Variants in IL1RAPL1 observed in about 807,000 individuals in gnomAD.
The protein encoded by IL1RAPL1 is interleukin-1 receptor accessory protein-like 1.
A neutral mutation model predicts 48.4 loss-of-function variants in IL1RAPL1; 3 were observed. That is an observed-to-expected ratio of 0.06 (90% CI 0.03 to 0.16). IL1RAPL1 has a LOEUF of 0.16. Ranked by LOEUF, IL1RAPL1 falls within the 10% of genes least tolerant of loss-of-function variation. The pLI is 1.00. For missense variants in IL1RAPL1, 349 were observed against 530.6 expected, an observed-to-expected ratio of 0.66 and a Z score of 3.36; for synonymous variants, 185 against 187.7, an observed-to-expected ratio of 0.99 and a Z score of 0.12.
At chrX:29,852,060 G>A (rs756053159) in intron 6 of IL1RAPL1, among the ~76,000 whole-genome samples, 14 of 112,594 alleles carry the variant, frequency 1.2e-4, no homozygotes, top group Non-Finnish European at 2.1e-4. Flanking sequence ...AGGCCCAGGG[G>A]CCACTCCTCG....
chrX:29,165,317 C>T (rs988782467), intron 2 of IL1RAPL1, among the ~76,000 whole-genome samples: 1 of 111,451 alleles, frequency 9.0e-6, no homozygotes, highest in African/African-American at 3.3e-5. Flanking sequence ...AAAACTTCAT[C>T]TCAAAACAGA....
At chrX:28,823,904 A>G (rs1472012256) in intron 2 of IL1RAPL1, among the ~76,000 whole-genome samples, 1 of 111,504 alleles carries the variant, frequency 9.0e-6, no homozygotes, top group Non-Finnish European at 1.9e-5. Flanking sequence ...GTAAGGTAAC[A>G]TGTTCACATA....
intron 2 of IL1RAPL1, among the ~76,000 whole-genome samples, chrX:28,854,276 G>A (rs1339883948): frequency 1.8e-5 from 2 of 111,499 alleles, no homozygotes; most frequent in Non-Finnish European, 1.9e-5. Context: ...AAAATGAGTA[G>A]TAGCAATAGG....
chrX:29,930,658 A>C (rs1200749892), intron 8 of IL1RAPL1, among the ~76,000 whole-genome samples: 2 of 111,966 alleles, frequency 1.8e-5, no homozygotes, highest in Non-Finnish European at 3.8e-5. Context: ...TGAGAAAATA[A>C]ATCTATTTTG....
intron 2 of IL1RAPL1, among the ~76,000 whole-genome samples, chrX:29,240,183 T>TACAC (rs200193070): frequency 1.2e-3 from 53 of 44,540 alleles, no homozygotes; most frequent in African/African-American, 3.8e-3. Context: ...AGTATATAGG[T>TACAC]ACACACACAC....
intron 5 of IL1RAPL1, among the ~76,000 whole-genome samples, chrX:29,410,675 A>T (rs778273276): frequency 3.6e-5 from 4 of 111,928 alleles, no homozygotes; most frequent in Non-Finnish European, 7.5e-5. Flanking sequence ...TAAAATAGAA[A>T]TACCATTTTA....
chrX:29,529,403 GGCCAACATGGTGAAACCCTGTT>G (rs1317776317), intron 5 of IL1RAPL1, among the ~76,000 whole-genome samples: 2 of 110,273 alleles, frequency 1.8e-5, no homozygotes, highest in Non-Finnish European at 3.8e-5. Context: ...AGACCAGCCT[GGCCAACATGGTGAAACCCTGTT>G]GCTACTAAAA....
intron 1 of IL1RAPL1, among the ~76,000 whole-genome samples, chrX:28,672,247 T>G (rs899838058): frequency 1.8e-5 from 2 of 110,855 alleles, no homozygotes; most frequent in African/African-American, 6.6e-5. Context: ...AAAATTAGGG[T>G]TTTTTATATG....
At chrX:29,514,676 T>C (rs766300611) in intron 5 of IL1RAPL1, among the ~76,000 whole-genome samples, 8 of 112,618 alleles carry the variant, frequency 7.1e-5, no homozygotes, top group South Asian at 3.6e-4. Context: ...CTTGAACTCC[T>C]GACCTTGAGT....
chrX:28,659,198 GC>G, intron 1 of IL1RAPL1: 1 of 755,190 alleles, frequency 1.3e-6, no homozygotes, highest in Non-Finnish European at 2.0e-6. Context: ...CTCCTGCAAA[GC>G]ACCGATAGCT....
intron 2 of IL1RAPL1, among the ~76,000 whole-genome samples, chrX:29,083,482 T>A (rs1927887194): frequency 9.0e-6 from 1 of 111,623 alleles, no homozygotes; most frequent in Non-Finnish European, 1.9e-5. Context: ...CTGCCCAAGT[T>A]AAATATAGAA....
intron 1 of IL1RAPL1, among the ~76,000 whole-genome samples, chrX:28,615,340 GAGTT>G (rs1437758596): frequency 9.5e-6 from 1 of 104,929 alleles, no homozygotes; most frequent in Non-Finnish European, 1.9e-5. Context: ...TAGTTAATAA[GAGTT>G]AGGTATTAGC....
At chrX:28,987,113 G>T (rs1480926766) in intron 2 of IL1RAPL1, among the ~76,000 whole-genome samples, 1 of 112,500 alleles carries the variant, frequency 8.9e-6, no homozygotes, top group African/African-American at 3.2e-5. Flanking sequence ...CTTAGGGAAA[G>T]TGAGTTTTTT....
intron 2 of IL1RAPL1, among the ~76,000 whole-genome samples, chrX:28,959,845 A>G (rs763411851): frequency 1.4e-3 from 153 of 111,962 alleles, no homozygotes; most frequent in African/African-American, 4.7e-3. Context: ...CTTGTAGCAC[A>G]TATTTTATTT....
intron 2 of IL1RAPL1, among the ~76,000 whole-genome samples, chrX:29,108,178 A>G (rs1235562606): frequency 1.8e-5 from 2 of 111,776 alleles, no homozygotes; most frequent in African/African-American, 6.5e-5. Flanking sequence ...TATAAATGCA[A>G]TTATGCATGA....
At chrX:29,445,324 A>G (rs1934599956) in intron 5 of IL1RAPL1, among the ~76,000 whole-genome samples, 1 of 112,066 alleles carries the variant, frequency 8.9e-6, no homozygotes, top group Non-Finnish European at 1.9e-5. Context: ...TAATAGTCTC[A>G]AAAAGTGAAC....
At chrX:29,531,174 T>A (rs753277723) in intron 5 of IL1RAPL1, among the ~76,000 whole-genome samples, 7 of 111,469 alleles carry the variant, frequency 6.3e-5, no homozygotes, top group Admixed American at 1.9e-4. Flanking sequence ...AATCTGTTTT[T>A]TTTTTAATAG....
chrX:29,748,487 G>T (rs1288218781), intron 6 of IL1RAPL1, among the ~76,000 whole-genome samples: 1 of 112,665 alleles, frequency 8.9e-6, no homozygotes, highest in Admixed American at 9.4e-5. Flanking sequence ...TAATTACTGT[G>T]GGTCACATTC....
At chrX:28,873,970 TA>T (rs59999767) in intron 2 of IL1RAPL1, among the ~76,000 whole-genome samples, 2,976 of 76,763 alleles carry the variant, frequency 0.039, 106 homozygotes, top group African/African-American at 0.11. Flanking sequence ...GCTTCTCCAG[TA>T]AAAAAAAAAA....
Sources: allele counts gnomAD v4.1 joint callset (sites outside exome capture counted in the v4.1 genomes callset), GRCh38; gene constraint gnomAD v4.1.1; transcripts MANE v1.5; gene names NCBI Gene and HGNC (gene_info 2026-07-23, HGNC 2026-07-21).